TGM7: variants seen among roughly 807,000 people sequenced by gnomAD.
TGM7 encodes protein-glutamine gamma-glutamyltransferase Z.
In TGM7, 74 loss-of-function variants were observed where a neutral mutation model predicts 79.5. The ratio of observed to expected loss-of-function variants is 0.93; its 90% CI spans 0.77 to 1.13. The LOEUF is 1.13. Among genes scored for constraint, TGM7 ranks in the 50% most tolerant of loss-of-function variants. TGM7 has a pLI of 0.00. For missense variants in TGM7, 912 were observed against 905.9 expected, an observed-to-expected ratio of 1.01 and a Z score of -0.09; for synonymous variants, 354 against 362.5, an observed-to-expected ratio of 0.98 and a Z score of 0.27.
chr15:43,281,337 CA>C (rs2042907731), intron 9 of TGM7, among the ~76,000 whole-genome samples: 1 of 152,238 alleles, frequency 6.6e-6, no homozygotes, highest in Admixed American at 6.5e-5. Flanking sequence ...TCCACAGGCC[CA>C]GGGGCCCATC....
At position 43,279,209 on chromosome 15, in the gene TGM7, G is replaced by A. The variant is rs145482913; in HGVS notation, c.1747C>T (p.Arg583Cys). Residue 583 changes from arginine (R) to cysteine (C), a missense_variant, in exon 11 of 13, where the codon CGC (arginine) becomes TGC (cysteine). Physicochemically the swap from Arg to Cys is radical, Grantham distance 180. Transcript: ENST00000452443. ...RNKLTDEKLI[R>C]VSGIAEVEET... Reference sequence around the variant, plus strand: ...TCAACCTCCGCGATGCCAGACACGCGGATGAGCTTTTCGTCCGTTAGCTTG... The same window carrying A: ...TCAACCTCCGCGATGCCAGACACGCAGATGAGCTTTTCGTCCGTTAGCTTG... 2.1e-4 allele frequency: 337 copies of A among 1,614,134 alleles called. No homozygotes were observed. The highest frequency in any genetic ancestry group is 2.0e-3 in the Middle Eastern group (12 of 6,056).
chr15:43,292,181 G>A (rs760742990), intron 3 of TGM7, 84 bp from the exon 4 acceptor site: 1 of 942,748 alleles, frequency 1.1e-6, no homozygotes. Flanking sequence ...ACGACAACGT[G>A]TTTCTGGAAA....
intron 1 of TGM7, among the ~76,000 whole-genome samples, chr15:43,297,150 C>T (rs753810089): frequency 1.3e-5 from 2 of 152,108 alleles, no homozygotes; most frequent in South Asian, 4.1e-4. Context: ...GATGTATTAT[C>T]AGCCTTTTAA....
At chr15:43,295,363 GGTGA>G (rs1167602466) in intron 1 of TGM7, among the ~76,000 whole-genome samples, 2 of 152,212 alleles carry the variant, frequency 1.3e-5, no homozygotes, top group Non-Finnish European at 2.9e-5. Flanking sequence ...GGCCAAGAAG[GGTGA>G]ATCACTTGAG....
intron 9 of TGM7, among the ~76,000 whole-genome samples, chr15:43,281,112 G>T (rs2042906013): frequency 6.6e-6 from 1 of 152,246 alleles, no homozygotes; most frequent in Admixed American, 6.5e-5. Context: ...AGCAGTTGCT[G>T]CATTCCACAG....
chr15:43,283,480 C>CTTTTTTT (rs11335371), intron 7 of TGM7, among the ~76,000 whole-genome samples: 3,158 of 151,384 alleles, frequency 0.021, 128 homozygotes, highest in African/African-American at 0.074. Context: ...CTCTCTTTTT[C>CTTTTTTT]TTTTTTTTTG....
chr15:43,302,116 A>G, intron 1 of TGM7, 125 bp downstream of exon 1: 2 of 1,126,346 alleles, frequency 1.8e-6, no homozygotes, highest in Non-Finnish European at 2.7e-6. Context: ...GCCGTATTGC[A>G]CAATGAACTA....
chr15:43,285,347 C>A (rs2042929896), intron 6 of TGM7, among the ~76,000 whole-genome samples: 1 of 152,162 alleles, frequency 6.6e-6, no homozygotes, highest in Admixed American at 6.5e-5. Context: ...GCCTGGCCAA[C>A]ATGGGGAAAC....
chr15:43,291,305 C>T (rs2042962422), intron 4 of TGM7, among the ~76,000 whole-genome samples: 2 of 152,180 alleles, frequency 1.3e-5, no homozygotes, highest in Admixed American at 6.5e-5. Context: ...GCCTTTTCTG[C>T]ATCTATTGAG....
chr15:43,282,688 C>G (rs906885856), intron 7 of TGM7, 68 bp from the exon 8 acceptor site: 4 of 1,191,104 alleles, frequency 3.4e-6, no homozygotes, highest in South Asian at 2.6e-5. Context: ...AGGCACTATA[C>G]GGAGTGATTT....
At chr15:43,282,691 A>C in intron 7 of TGM7, 71 bp from the exon 8 acceptor site, 1 of 1,134,854 alleles carries the variant, frequency 8.8e-7, no homozygotes, top group Non-Finnish European at 1.3e-6. Flanking sequence ...CACTATACGG[A>C]GTGATTTATA....
chr15:43,300,102 T>C (rs535774300), intron 1 of TGM7, among the ~76,000 whole-genome samples: 1 of 152,292 alleles, frequency 6.6e-6, no homozygotes, highest in East Asian at 1.9e-4. Flanking sequence ...TCTCTTTGTG[T>C]CTCCATTGTA....
At chr15:43,282,190 G>T in intron 8 of TGM7, 104 bp from the exon 9 acceptor site, 1 of 1,481,850 alleles carries the variant, frequency 6.7e-7, no homozygotes, top group Non-Finnish European at 9.1e-7. Flanking sequence ...CTCACCCGTG[G>T]GATATCTTCC....
At chr15:43,279,595 G>T (rs996062042) in intron 10 of TGM7, 30 bp downstream of exon 10, 6 of 1,540,744 alleles carry the variant, frequency 3.9e-6, no homozygotes, top group Non-Finnish European at 5.3e-6. Flanking sequence ...CCTCCCTGTA[G>T]GTGCCTTCTC....
At chr15:43,299,006 G>A (rs1317059965) in intron 1 of TGM7, among the ~76,000 whole-genome samples, 2 of 151,766 alleles carry the variant, frequency 1.3e-5, no homozygotes, top group African/African-American at 4.8e-5. Flanking sequence ...AAAAAAAGGA[G>A]CAAAGATTAC....
At chr15:43,283,206 C>T (rs969782430) in intron 7 of TGM7, among the ~76,000 whole-genome samples, 1 of 152,218 alleles carries the variant, frequency 6.6e-6, no homozygotes, top group Non-Finnish European at 1.5e-5. Context: ...GGGATCTTCT[C>T]TTACATAACC....
Position 43,284,970 on chromosome 15 carries a change from G to C in TGM7, c.866-18C>G. 1 of 1,612,898 alleles carries C rather than the reference G, an allele frequency of 6.2e-7. No individual in the cohort carries two copies. The highest frequency in any genetic ancestry group is 8.5e-7 in the Non-Finnish European group (1 of 1,178,926). On this transcript the variant is annotated intron_variant, in intron 6 of 12. Coordinates refer to ENST00000452443, the MANE Select transcript of TGM7 (RefSeq NM_052955.3). The stretch of plus-strand genomic sequence containing the variant: ...TCTCATTACTAAAGAGAAAAATATA[G>C]AGAATCGCTGAGTTCATTTCAGGCA...
At chr15:43,287,816 C>A in intron 4 of TGM7, 147 bp from the exon 5 acceptor site, 1 of 847,562 alleles carries the variant, frequency 1.2e-6, no homozygotes, top group Non-Finnish European at 1.8e-6. Context: ...AAGTTCCTGC[C>A]TTTGAAGAGC....
intron 10 of TGM7, 105 bp downstream of exon 10, chr15:43,279,520 G>T: frequency 7.3e-7 from 1 of 1,372,714 alleles, no homozygotes; most frequent in Non-Finnish European, 9.9e-7. Context: ...TGTGTGTGTT[G>T]GAGGAAGGGG....
Sources: allele counts gnomAD v4.1 joint callset (sites outside exome capture counted in the v4.1 genomes callset), GRCh38; gene constraint gnomAD v4.1.1; transcripts MANE v1.5; gene names NCBI Gene and HGNC (gene_info 2026-07-23, HGNC 2026-07-21).